Variants in CYB5RL observed in about 807,000 individuals in gnomAD.
CYB5RL encodes the protein cytochrome b5 reductase like, also known as NADH-cytochrome b5 reductase-like.
A neutral mutation model predicts 37.5 loss-of-function variants in CYB5RL; 38 were observed. The ratio of observed to expected loss-of-function variants is 1.01; its 90% CI spans 0.78 to 1.33. CYB5RL has a LOEUF of 1.33. Among genes scored for constraint, CYB5RL ranks in the 40% most tolerant of loss-of-function variants. CYB5RL has a pLI of 0.00. For missense variants in CYB5RL, 388 were observed against 394.4 expected, an observed-to-expected ratio of 0.98 and a Z score of 0.14; for synonymous variants, 141 against 151.9, an observed-to-expected ratio of 0.93 and a Z score of 0.53.
Position 54,170,951 on chromosome 1 carries a change from G to C in CYB5RL, c.*3668C>G. The C allele has an allele frequency of 2.8e-6, 1 of 351,470 alleles. No homozygotes were observed. Among genetic ancestry groups the C allele is most frequent in the South Asian group, 2.2e-5 (1 of 46,200 alleles). The allele number at this position is 351,470 out of a possible 1,614,324, so 21.8% of individuals were successfully genotyped here. On this transcript the variant is annotated 3_prime_UTR_variant, in exon 8 of 8. Coordinates refer to ENST00000534324, the MANE Select transcript of CYB5RL (RefSeq NM_001031672.4). ...CCTGGAAAGCACTTCCTGAACATTA[G>C]TTGTTTATCGCTCAGGTATTCGACA...
At chr1:54,197,443 C>T (rs1644018663) in intron 1 of CYB5RL, among the ~76,000 whole-genome samples, 1 of 151,386 alleles carries the variant, frequency 6.6e-6, no homozygotes, top group South Asian at 2.1e-4. Context: ...CCTGCTTCAG[C>T]CACCCAAGTA....
At position 54,174,599 on chromosome 1, in the gene CYB5RL, C is replaced by T. The variant is rs1207207365; in HGVS notation, c.*20G>A. ...CCCAGTAGCAGGCTCATGGCCTAGGCTTTGGAAGAGAGGCCAGGGCTAGAA... is the reference window on the plus strand; with the variant it reads ...CCCAGTAGCAGGCTCATGGCCTAGGTTTTGGAAGAGAGGCCAGGGCTAGAA... On this transcript the variant is annotated 3_prime_UTR_variant, in exon 8 of 8. Transcript: ENST00000534324. 1 of 1,593,962 alleles carries T rather than the reference C, an allele frequency of 6.3e-7. No homozygotes were observed. Among genetic ancestry groups the T allele is most frequent in the Non-Finnish European group, 8.5e-7 (1 of 1,171,018 alleles).
intron 5 of CYB5RL, chr1:54,184,963 A>G (rs901724053): frequency 3.9e-5 from 6 of 152,234 alleles, no homozygotes; most frequent in African/African-American, 1.4e-4. Context: ...AAGGGAGTCT[A>G]TATTGCCTGG....
chr1:54,174,711 C>G lies in CYB5RL; in HGVS notation c.856G>C (p.Ala286Pro), dbSNP rs780876546. 14 of 1,613,936 alleles carry G rather than the reference C, an allele frequency of 8.7e-6. No homozygotes were observed. The highest frequency in any genetic ancestry group is 8.5e-7 in the Non-Finnish European group (1 of 1,179,866). ...AACTCAGCCGAGCCACAGACCAGTGCGAATGGCTTTCTCCGACAGCAGCTG... is the reference window on the plus strand; with the variant it reads ...AACTCAGCCGAGCCACAGACCAGTGGGAATGGCTTTCTCCGACAGCAGCTG... ...LVSCCRRKPF[A>P]LVCGSAEFTK... is the part of the protein sequence containing the mutation. Residue 286 changes from alanine to proline, a missense_variant, in exon 8 of 8, where the codon GCA becomes CCA. Transcript: ENST00000534324.
chr1:54,197,762 C>T (rs1029888045), intron 1 of CYB5RL, among the ~76,000 whole-genome samples: 3 of 152,070 alleles, frequency 2.0e-5, no homozygotes, highest in African/African-American at 7.2e-5. Context: ...TGGCTCATTC[C>T]TGTAATCCCA....
At chr1:54,193,969 C>CAATAATAAT (rs553048131) in intron 3 of CYB5RL, among the ~76,000 whole-genome samples, 2 of 147,690 alleles carry the variant, frequency 1.4e-5, no homozygotes, top group African/African-American at 2.5e-5. Flanking sequence ...GACTCTGCCT[C>CAATAATAAT]AATAATAATA....
At chr1:54,178,569 C>T (rs115035394) in intron 7 of CYB5RL, among the ~76,000 whole-genome samples, 6 of 152,156 alleles carry the variant, frequency 3.9e-5, no homozygotes, top group South Asian at 2.1e-4. Context: ...CAGGGAGAGT[C>T]GCTGCCAGCT....
rs557844186 is a variant in CYB5RL, at chr1:54,190,863, C to T, written c.232G>A (p.Val78Met). 22 of 1,611,310 alleles carry T rather than the reference C, an allele frequency of 1.4e-5. No homozygotes were observed. Among genetic ancestry groups the T allele is most frequent in the Middle Eastern group, 1.7e-4 (1 of 5,962 alleles). ...TCCATGGCAATGATGCAGAAGGCCA[C>T]GAAGGTCTCTGGGTTCAGCTTGGAG... is the stretch of plus-strand genomic sequence containing the variant. ...CPSKLNPETF[V>M]AFCIIAMDRL... The change falls in exon 4 of 8, where the codon GTG (valine) becomes ATG (methionine). Residue 78 changes from valine to methionine, a missense_variant. By Grantham distance (21) the Val-to-Met change is conservative. Transcript: ENST00000534324.
At position 54,174,112 on chromosome 1, in the gene CYB5RL, T is replaced by C. The variant is rs1659960035; in HGVS notation, c.*507A>G. 5.7e-6 allele frequency: 1 copy of C among 175,172 alleles called. No homozygotes were observed. Among genetic ancestry groups the C allele is most frequent in the Non-Finnish European group, 1.3e-5 (1 of 79,492 alleles). The allele number at this position is 175,172 out of a possible 1,614,324, so 10.9% of individuals were successfully genotyped here. A position where few individuals can be genotyped will look rare whatever the true frequency, so the allele number is the denominator to read the frequency against. On this transcript the variant is annotated 3_prime_UTR_variant, in exon 8 of 8. Transcript: ENST00000534324. ...CAAGTCATAGAACCCAAGACCTTCA[T>C]GTGTCAGGCTCATGGCACTGGAGGA...
At chr1:54,177,905 T>C (rs2100458816) in intron 7 of CYB5RL, among the ~76,000 whole-genome samples, 1 of 152,250 alleles carries the variant, frequency 6.6e-6, no homozygotes, top group East Asian at 1.9e-4. Context: ...AAAGCAAGGC[T>C]GGCCAGCAGC....
intron 7 of CYB5RL, among the ~76,000 whole-genome samples, chr1:54,177,149 G>C (rs1660041557): frequency 6.6e-6 from 1 of 152,190 alleles, no homozygotes; most frequent in Non-Finnish European, 1.5e-5. Context: ...GCAAGGGCTA[G>C]AAACAGGGTG....
In CYB5RL at chr1:54,184,237, T is replaced by A. The variant is rs1436269257; in HGVS notation, c.464A>T (p.Tyr155Phe). The A allele has an allele frequency of 8.7e-6, 14 of 1,613,646 alleles. No homozygotes were observed. Among genetic ancestry groups the A allele is most frequent in the East Asian group, 2.2e-5 (1 of 44,896 alleles). ...KCYQMGLMSR[Y>F]VESWRVGDTA... ...GTCTCCTACTCTCCAGGACTCAACATACCGGGACATCAGCCCCATCTGGTA... is the reference window on the plus strand; with the variant it reads ...GTCTCCTACTCTCCAGGACTCAACAAACCGGGACATCAGCCCCATCTGGTA... Residue 155 changes from tyrosine to phenylalanine, a missense_variant, in exon 6 of 8, where the codon TAT becomes TTT. By Grantham distance (22) the Tyr-to-Phe change is conservative. Coordinates refer to ENST00000534324, the MANE Select transcript of CYB5RL (RefSeq NM_001031672.4).
intron 7 of CYB5RL, among the ~76,000 whole-genome samples, chr1:54,178,472 C>G (rs1011942190): frequency 2.0e-5 from 3 of 152,130 alleles, no homozygotes; most frequent in Non-Finnish European, 4.4e-5. Flanking sequence ...GGCAGACAAT[C>G]CCCCATGCTC....
At chr1:54,196,644 A>G (rs1644009980) in intron 1 of CYB5RL, among the ~76,000 whole-genome samples, 153 bp from the exon 2 acceptor site, 1 of 152,232 alleles carries the variant, frequency 6.6e-6, no homozygotes, top group Non-Finnish European at 1.5e-5. Context: ...TCCCTTCCTG[A>G]TAACTGCACT....
chr1:54,177,805 T>C (rs1229314848), intron 7 of CYB5RL, among the ~76,000 whole-genome samples: 2 of 152,228 alleles, frequency 1.3e-5, no homozygotes, highest in South Asian at 2.1e-4. Flanking sequence ...CTGTCACCCA[T>C]AGATAGGTGA....
At chr1:54,190,052 G>C (rs901284582) in intron 4 of CYB5RL, among the ~76,000 whole-genome samples, 1 of 152,144 alleles carries the variant, frequency 6.6e-6, no homozygotes, top group Admixed American at 6.5e-5. Flanking sequence ...CTGCAGCTCA[G>C]ATCTCTCTAC....
chr1:54,198,347 T>C (rs925369186), intron 1 of CYB5RL, among the ~76,000 whole-genome samples: 22 of 151,830 alleles, frequency 1.4e-4, no homozygotes, highest in African/African-American at 4.6e-4. Flanking sequence ...TTTTTTTTTT[T>C]TTGAGACAAG....
chr1:54,198,027 CAAAAAAAAAAAAAAAAA>C (rs575486117), intron 1 of CYB5RL, among the ~76,000 whole-genome samples: 43,172 of 78,958 alleles, frequency 0.55, 7,928 homozygotes, highest in South Asian at 0.64. Flanking sequence ...GACTCTGTCT[CAAAAAAAAAAAAAAAAA>C]AAAAAAAAAA....
chr1:54,186,330 G>A (rs1228942171), intron 5 of CYB5RL: 1 of 152,010 alleles, frequency 6.6e-6, no homozygotes, highest in Non-Finnish European at 1.5e-5. Context: ...GGTTGGTTAT[G>A]AGGTTGAAAT....
Sources: gnomAD v4.1 joint callset for allele counts (sites outside exome capture counted in the v4.1 genomes callset) on GRCh38, gnomAD v4.1.1 for gene constraint, MANE v1.5 for transcripts, NCBI Gene and HGNC (gene_info 2026-07-23, HGNC 2026-07-21) for gene names.